GPLD1: variants seen among roughly 807,000 people sequenced by gnomAD.
GPLD1 encodes the protein phosphatidylinositol-glycan-specific phospholipase D.
A neutral mutation model predicts 112.6 loss-of-function variants in GPLD1; 84 were observed. The observed-to-expected ratio is 0.75, with a 90% CI of 0.63 to 0.89. The LOEUF is 0.89. Ranked by LOEUF, GPLD1 falls within the 40% of genes least tolerant of loss-of-function variation. The probability of loss-of-function intolerance (pLI) is 0.00; values close to 1 mark genes in which losing one functional copy is unlikely to be tolerated. For synonymous variants in GPLD1, 386 were observed against 403.8 expected, an observed-to-expected ratio of 0.96 and a Z score of 0.53; for missense variants, 1,044 against 1,051.5, an observed-to-expected ratio of 0.99 and a Z score of 0.10.
chr6:24,467,011 A>C, intron 8 of GPLD1, 72 bp from the exon 9 acceptor site: 1 of 1,356,550 alleles, frequency 7.4e-7, no homozygotes, highest in Non-Finnish European at 1.1e-6. Context: ...TAATGAAGAA[A>C]AAGTTCCATC....
intron 7 of GPLD1, among the ~76,000 whole-genome samples, chr6:24,467,742 T>C (rs1763664645): frequency 6.6e-6 from 1 of 152,114 alleles, no homozygotes; most frequent in East Asian, 1.9e-4. Context: ...ATATAAAGTA[T>C]ACAAAAAAGT....
chr6:24,455,837 A>T (rs1239229070), intron 13 of GPLD1, among the ~76,000 whole-genome samples: 1 of 152,198 alleles, frequency 6.6e-6, no homozygotes. Context: ...TATTTGACCA[A>T]GTGTAAGGAG....
chr6:24,481,756 G>A (rs1269940663), intron 2 of GPLD1, among the ~76,000 whole-genome samples: 1 of 152,140 alleles, frequency 6.6e-6, no homozygotes, highest in Non-Finnish European at 1.5e-5. Flanking sequence ...GAGAGATATA[G>A]AAACCATCTA....
chr6:24,478,819 C>T (rs1044144334), intron 3 of GPLD1, among the ~76,000 whole-genome samples: 4 of 152,090 alleles, frequency 2.6e-5, no homozygotes, highest in African/African-American at 4.8e-5. Flanking sequence ...TGCAATTCCT[C>T]GCCTCCTGTC....
In GPLD1 at chr6:24,428,364, T is replaced by C. The variant is rs950384327; in HGVS notation, c.*668A>G. On this transcript the variant is annotated 3_prime_UTR_variant, in exon 25 of 25. Transcript: ENST00000230036. ...ATCACCCTAAGTATCCATTAGTTAT[T>C]TTTCCTGATCTCTCCCTCCTCCCAC... 1 of 152,122 alleles carries C rather than the reference T, an allele frequency of 6.6e-6. No individual in the cohort carries two copies. The highest frequency in any genetic ancestry group is 2.4e-5 in the African/African-American group (1 of 41,428). 9.4% of individuals were successfully genotyped at this position (152,122 alleles called of 1,614,324 possible).
rs201734980 is a variant in GPLD1, at chr6:24,473,673, A to C, written c.442-6T>G. 5.9e-5 allele frequency: 94 copies of C among 1,597,216 alleles called. No homozygotes were observed. The Middle Eastern group carries it at 2.2e-3, about 37-fold the overall frequency. On this transcript the variant is annotated splice_polypyrimidine_tract_variant and splice_region_variant and intron_variant, in intron 5 of 24. Coordinates refer to ENST00000230036, the MANE Select transcript of GPLD1 (RefSeq NM_001503.4). ...TAGGAGCCGTGAAAATCAATCTAAG[A>C]AAGAAAGAGAACCATCTGGTGTGTA...
chr6:24,433,136 C>T, intron 24 of GPLD1, 51 bp downstream of exon 24: 1 of 1,238,284 alleles, frequency 8.1e-7, no homozygotes, highest in South Asian at 1.2e-5. Flanking sequence ...CCACCAAATC[C>T]CACCCGTAGT....
intron 22 of GPLD1, among the ~76,000 whole-genome samples, chr6:24,434,793 A>C (rs1427216289): frequency 1.4e-5 from 2 of 143,308 alleles, no homozygotes; most frequent in African/African-American, 5.3e-5. Flanking sequence ...AGCCGAGATC[A>C]CGCCACTGCA....
intron 12 of GPLD1, among the ~76,000 whole-genome samples, chr6:24,458,996 T>G (rs544763870): frequency 6.6e-6 from 1 of 152,314 alleles, no homozygotes; most frequent in East Asian, 1.9e-4. Flanking sequence ...CCTTCTGACA[T>G]TAAGAGCCCA....
chr6:24,480,096 A>T (rs1764152038), intron 2 of GPLD1, 137 bp from the exon 3 acceptor site: 1 of 602,336 alleles, frequency 1.7e-6, no homozygotes, highest in African/African-American at 1.8e-5. Context: ...GAAGGAAAGC[A>T]GGCATAAAGT....
At chr6:24,473,286 G>A in intron 6 of GPLD1, 1 of 181,950 alleles carries the variant, frequency 5.5e-6, no homozygotes, top group Non-Finnish European at 1.2e-5. Flanking sequence ...AAAAGGTGGA[G>A]TTTACTAGTT....
Position 24,466,590 on chromosome 6 carries a change from T to G in GPLD1, c.821+90A>C, listed in dbSNP as rs543678832. 160 of 1,003,160 alleles carry G rather than the reference T, an allele frequency of 1.6e-4. 1 individual carries two copies. In the East Asian group the frequency reaches 3.8e-3, roughly 24 times the overall value. 62.1% of individuals were successfully genotyped at this position (1,003,160 alleles called of 1,614,324 possible). A position where few individuals can be genotyped will look rare whatever the true frequency, so the allele number is the denominator to read the frequency against. On this transcript the variant is annotated intron_variant, in intron 10 of 24. Coordinates refer to ENST00000230036, the MANE Select transcript of GPLD1 (RefSeq NM_001503.4). ...ATGAGATTGTTTTGTTTTGTTTTTATGTGATCAGTTGAAAAACCTGAGAGT... is the reference window on the plus strand; with the variant it reads ...ATGAGATTGTTTTGTTTTGTTTTTAGGTGATCAGTTGAAAAACCTGAGAGT...
In GPLD1 at chr6:24,479,927, A is replaced by G; in HGVS notation, c.186T>C (p.Ala62=). The G allele has an allele frequency of 6.2e-7, 1 of 1,611,158 alleles. No homozygotes were observed. The highest frequency in any genetic ancestry group is 8.5e-7 in the Non-Finnish European group (1 of 1,177,310). The change falls in exon 3 of 25, where the codon GCT becomes GCC. Residue 62 remains alanine, a synonymous_variant. Coordinates refer to ENST00000230036, the MANE Select transcript of GPLD1 (RefSeq NM_001503.4). ...AAAAACAATCAGGAAACACGATTCC[A>G]GCCTGATACGCATCCTGGTGTTCTA... ...LLLEHQDAYQ[A]GIVFPDCFYP...
At chr6:24,486,804 C>T (rs534598664) in intron 1 of GPLD1, among the ~76,000 whole-genome samples, 4 of 114,924 alleles carry the variant, frequency 3.5e-5, no homozygotes, top group African/African-American at 1.0e-4. Flanking sequence ...GGCAACAGAG[C>T]GAGGCTCTGT....
At chr6:24,461,305 A>AGTAT (rs1763426378) in intron 11 of GPLD1, among the ~76,000 whole-genome samples, 1 of 152,082 alleles carries the variant, frequency 6.6e-6, no homozygotes, top group African/African-American at 2.4e-5. Context: ...ACAACAACAA[A>AGTAT]GTATGTTGAA....
intron 20 of GPLD1, among the ~76,000 whole-genome samples, chr6:24,439,625 CCTT>C (rs528840290): frequency 2.5e-4 from 38 of 152,128 alleles, no homozygotes; most frequent in Non-Finnish European, 4.9e-4. Flanking sequence ...AAACACCTCA[CCTT>C]CTCAATCATG....
chr6:24,445,491 T>C, intron 20 of GPLD1, 55 bp downstream of exon 20: 1 of 1,164,712 alleles, frequency 8.6e-7, no homozygotes. Context: ...CAATACGACA[T>C]GTACAAGCAG....
chr6:24,489,629 A>AG, upstream of GPLD1: 1 of 1,499,158 alleles, frequency 6.7e-7, no homozygotes, highest in Non-Finnish European at 8.9e-7. Flanking sequence ...TCACTGACCG[A>AG]GGAAACCAAG....
intron 7 of GPLD1, among the ~76,000 whole-genome samples, chr6:24,470,829 C>G (rs9467187): frequency 0.072 from 10,967 of 152,084 alleles, 1,140 homozygotes; most frequent in African/African-American, 0.23. Context: ...GAACTCCTGA[C>G]CTCAGGTGAT....
Sources: allele counts gnomAD v4.1 joint callset (sites outside exome capture counted in the v4.1 genomes callset), GRCh38; gene constraint gnomAD v4.1.1; transcripts MANE v1.5; gene names NCBI Gene and HGNC (gene_info 2026-07-23, HGNC 2026-07-21).